Variants in EXOC6 observed in about 807,000 individuals in gnomAD.
The protein encoded by EXOC6 is SEC15-like 1.
EXOC6 carries 60 observed loss-of-function variants against 112.5 expected under a neutral mutation model. The observed-to-expected ratio is 0.53, with a 90% CI of 0.43 to 0.66. EXOC6 has a LOEUF of 0.66. Among genes scored for constraint, EXOC6 ranks in the 30% least tolerant of loss-of-function variants. EXOC6 has a pLI of 0.00. For synonymous variants in EXOC6, 295 were observed against 308.0 expected, an observed-to-expected ratio of 0.96 and a Z score of 0.44; for missense variants, 855 against 957.1, an observed-to-expected ratio of 0.89 and a Z score of 1.41.
At chr10:93,024,676 C>G (rs1239581197) in intron 20 of EXOC6, among the ~76,000 whole-genome samples, 1 of 152,148 alleles carries the variant, frequency 6.6e-6, no homozygotes, top group African/African-American at 2.4e-5. Context: ...GCTAGGCCTC[C>G]CAAAGTCCTG....
chr10:92,979,755 C>T (rs1029197483), intron 18 of EXOC6, among the ~76,000 whole-genome samples: 2 of 151,676 alleles, frequency 1.3e-5, no homozygotes, highest in Non-Finnish European at 2.9e-5. Flanking sequence ...TATAGTGAAC[C>T]TCATCTCTAC....
intron 6 of EXOC6, among the ~76,000 whole-genome samples, chr10:92,914,778 T>G: frequency 6.6e-6 from 1 of 152,096 alleles, no homozygotes; most frequent in Admixed American, 6.6e-5. Context: ...TAGAGAGAAC[T>G]CACCTAAAAT....
At position 92,915,919 on chromosome 10, in the gene EXOC6, A is replaced by T. The variant is rs1294382667; in HGVS notation, c.819+6A>T. ...AGGATGAGAATGAAGAAGAGGTGAT[A>T]GGTGTCTTTCTTTCTTTTCTATTAT... On this transcript the variant is annotated splice_donor_region_variant and intron_variant, in intron 7 of 21. Coordinates refer to ENST00000260762, the MANE Select transcript of EXOC6 (RefSeq NM_019053.6). 11 of 1,514,566 alleles carry T rather than the reference A, an allele frequency of 7.3e-6. No individual in the cohort carries two copies. Among genetic ancestry groups the T allele is most frequent in the African/African-American group, 2.9e-5 (2 of 68,280 alleles). The allele number at this position is 1,514,566 out of a possible 1,614,324, so 93.8% of individuals were successfully genotyped here.
chr10:92,909,765 T>A (rs1319418664), intron 6 of EXOC6, 134 bp downstream of exon 6: 1 of 610,516 alleles, frequency 1.6e-6, no homozygotes, highest in Non-Finnish European at 2.8e-6. Context: ...CTGGTTATTG[T>A]TTAGAAAGGA....
chr10:92,975,415 A>G (rs1258196710), intron 18 of EXOC6, among the ~76,000 whole-genome samples: 6 of 134,114 alleles, frequency 4.5e-5, no homozygotes, highest in South Asian at 5.3e-4. Flanking sequence ...CCCGGCAGCC[A>G]CCCCGTCTGG....
chr10:93,009,418 C>T (rs547927355), intron 19 of EXOC6, among the ~76,000 whole-genome samples: 7 of 152,062 alleles, frequency 4.6e-5, no homozygotes, highest in Non-Finnish European at 1.0e-4. Context: ...ATTGAATACT[C>T]ATTATAAGTC....
Position 92,909,496 on chromosome 10 carries a change from G to C in EXOC6, c.528G>C (p.Arg176=). 1 of 1,613,576 alleles carries C rather than the reference G, an allele frequency of 6.2e-7. No individual in the cohort carries two copies. Among genetic ancestry groups the C allele is most frequent in the Non-Finnish European group, 8.5e-7 (1 of 1,179,678 alleles). ...ACTTTCCCTGGGTTAGTCAATACCG[G>C]TTTTGTCAGCTCATGATAGAAAATC... ...NVYFPWVSQY[R]FCQLMIENLP... The change falls in exon 6 of 22, where the codon CGG becomes CGC. Residue 176 remains arginine, a synonymous_variant. Coordinates refer to ENST00000260762, the MANE Select transcript of EXOC6 (RefSeq NM_019053.6).
intron 8 of EXOC6, among the ~76,000 whole-genome samples, chr10:92,927,658 T>C (rs1345783164): frequency 3.3e-5 from 5 of 152,182 alleles, no homozygotes; most frequent in Admixed American, 6.5e-5. Context: ...GGGAGTTCCA[T>C]TGGACAACAC....
chr10:92,897,180 G>A (rs905285460), intron 4 of EXOC6, among the ~76,000 whole-genome samples: 1 of 152,128 alleles, frequency 6.6e-6, no homozygotes, highest in African/African-American at 2.4e-5. Flanking sequence ...CCCCTACTGG[G>A]CTATGTAAAA....
upstream of EXOC6, among the ~76,000 whole-genome samples, chr10:92,833,144 C>T (rs189010547): frequency 3.3e-5 from 5 of 152,238 alleles, no homozygotes; most frequent in East Asian, 5.8e-4. Context: ...ATTGGTTTGC[C>T]ATTGCTGTAT....
intron 17 of EXOC6, among the ~76,000 whole-genome samples, chr10:92,970,584 A>G (rs1476831553): frequency 6.6e-6 from 1 of 152,230 alleles, no homozygotes; most frequent in Non-Finnish European, 1.5e-5. Context: ...TAAAATTTCA[A>G]TTCATATAAT....
chr10:93,000,483 A>G (rs1843710125), intron 19 of EXOC6, among the ~76,000 whole-genome samples: 1 of 152,180 alleles, frequency 6.6e-6, no homozygotes, highest in Non-Finnish European at 1.5e-5. Context: ...AAAGACCAAG[A>G]AAGGTCCTGA....
At chr10:93,014,410 AT>A in intron 20 of EXOC6, 143 bp downstream of exon 20, 1 of 653,326 alleles carries the variant, frequency 1.5e-6, no homozygotes. Context: ...GTAACTATGT[AT>A]TTGGCACATC....
At chr10:92,922,065 C>T (rs544442800) in intron 8 of EXOC6, among the ~76,000 whole-genome samples, 1 of 152,182 alleles carries the variant, frequency 6.6e-6, no homozygotes, top group Non-Finnish European at 1.5e-5. Flanking sequence ...ACTACCTTAG[C>T]CTCCCAAGTA....
chr10:92,986,681 T>TAAA (rs751652354), intron 18 of EXOC6, among the ~76,000 whole-genome samples: 18 of 125,184 alleles, frequency 1.4e-4, no homozygotes, highest in Non-Finnish European at 2.7e-4. Context: ...TATCTTTTTC[T>TAAA]AAAAAAAAAA....
chr10:92,940,873 G>GAACCA, intron 13 of EXOC6, 49 bp downstream of exon 13: 1 of 1,188,896 alleles, frequency 8.4e-7, no homozygotes, highest in Non-Finnish European at 1.2e-6. Flanking sequence ...TTTGTCAAAT[G>GAACCA]CTCAAGTGGT....
At chr10:93,031,764 C>T (rs1357031487) in intron 20 of EXOC6, among the ~76,000 whole-genome samples, 2 of 152,140 alleles carry the variant, frequency 1.3e-5, no homozygotes, top group East Asian at 3.9e-4. Flanking sequence ...CTGCCCGCCT[C>T]TGCCTACCAA....
At chr10:92,974,646 G>C (rs929783574) in intron 18 of EXOC6, among the ~76,000 whole-genome samples, 1 of 102,728 alleles carries the variant, frequency 9.7e-6, no homozygotes, top group East Asian at 3.6e-4. Flanking sequence ...CTGCCATCTC[G>C]GCTCACTGCA....
intron 19 of EXOC6, among the ~76,000 whole-genome samples, chr10:93,011,847 G>A (rs983026312): frequency 1.1e-4 from 16 of 152,130 alleles, no homozygotes; most frequent in African/African-American, 3.6e-4. Flanking sequence ...ACCACTTATT[G>A]TCTAGGGTAA....
Sources: allele counts gnomAD v4.1 joint callset (sites outside exome capture counted in the v4.1 genomes callset), GRCh38; gene constraint gnomAD v4.1.1; transcripts MANE v1.5; gene names NCBI Gene and HGNC (gene_info 2026-07-23, HGNC 2026-07-21).